YWHAB: variants seen among roughly 807,000 people sequenced by gnomAD.
The protein encoded by YWHAB is tyrosine 3-monooxygenase/tryptophan 5-monooxygenase activation protein beta.
YWHAB carries 2 observed loss-of-function variants against 28.5 expected under a neutral mutation model. The ratio of observed to expected loss-of-function variants is 0.07; its 90% CI spans 0.03 to 0.22. YWHAB has a LOEUF of 0.22. Ranked by LOEUF, YWHAB falls within the 10% of genes least tolerant of loss-of-function variation. The pLI, the probability that YWHAB is intolerant of heterozygous loss-of-function variation, is 1.00. For missense variants in YWHAB, 148 were observed against 297.1 expected, an observed-to-expected ratio of 0.50 and a Z score of 3.69; for synonymous variants, 103 against 104.7, an observed-to-expected ratio of 0.98 and a Z score of 0.10.
chr20:44,905,342 T>C, intron 4 of YWHAB: 1 of 456,340 alleles, frequency 2.2e-6, no homozygotes, highest in East Asian at 3.8e-5. Context: ...TACTGTTTTT[T>C]GCGGGTGGTT....
intron 1 of YWHAB, among the ~76,000 whole-genome samples, chr20:44,899,542 C>T (rs1466037787): frequency 6.6e-6 from 1 of 152,192 alleles, no homozygotes; most frequent in East Asian, 1.9e-4. Context: ...AGTAGCATTT[C>T]ATGTTTTTAT....
At chr20:44,892,897 A>G (rs2066571305) in intron 1 of YWHAB, among the ~76,000 whole-genome samples, 1 of 152,230 alleles carries the variant, frequency 6.6e-6, no homozygotes, top group African/African-American at 2.4e-5. Context: ...TTCCTGACAT[A>G]TAATAATGGA....
chr20:44,900,837 G>A (rs918164888), intron 1 of YWHAB, among the ~76,000 whole-genome samples: 3 of 152,104 alleles, frequency 2.0e-5, no homozygotes, highest in South Asian at 2.1e-4. Flanking sequence ...GTCCAGTGGC[G>A]TGATCTCGGC....
Position 44,885,835 on chromosome 20 carries a change from C to T in YWHAB, c.-55C>T, listed in dbSNP as rs1328342364. 1 of 155,626 alleles carries T rather than the reference C, an allele frequency of 6.4e-6. No homozygotes were observed. Among genetic ancestry groups the T allele is most frequent in the African/African-American group, 2.4e-5 (1 of 41,490 alleles). 9.6% of individuals were successfully genotyped at this position (155,626 alleles called of 1,614,324 possible). A position where few individuals can be genotyped will look rare whatever the true frequency, so the allele number is the denominator to read the frequency against. ...GTGGGCTTAGGAAGGAAGAGGTCAT[C>T]TCGCTCGGAGCTTCGCTCGGAAGGG... On this transcript the variant is annotated 5_prime_UTR_variant, in exon 1 of 6. Transcript: ENST00000353703.
chr20:44,901,235 T>C (rs1174553205), intron 1 of YWHAB, among the ~76,000 whole-genome samples: 1 of 152,148 alleles, frequency 6.6e-6, no homozygotes, highest in Non-Finnish European at 1.5e-5. Flanking sequence ...GGCATATCAC[T>C]TGCCTTCCCT....
At position 44,908,140 on chromosome 20, in the gene YWHAB, C is replaced by T. The variant is rs1403740305; in HGVS notation, c.*1702C>T. 1.3e-5 allele frequency: 2 copies of T among 148,332 alleles called. No individual in the cohort carries two copies. Among genetic ancestry groups the T allele is most frequent in the African/African-American group, 5.1e-5 (2 of 39,260 alleles). 9.2% of individuals were successfully genotyped at this position (148,332 alleles called of 1,614,324 possible). The stretch of plus-strand genomic sequence containing the variant: ...AAATGAGAAAAGAAAAATTTATGCA[C>T]TGATTTAAAACAAACCAAAAAAAAA... On this transcript the variant is annotated 3_prime_UTR_variant, in exon 6 of 6. Transcript: ENST00000353703.
chr20:44,904,186 C>G, intron 3 of YWHAB, 70 bp downstream of exon 3: 1 of 1,587,552 alleles, frequency 6.3e-7, no homozygotes, highest in Non-Finnish European at 8.6e-7. Flanking sequence ...GACTTTTTAA[C>G]GATTTTTGCT....
chr20:44,899,419 G>C (rs2066613918), intron 1 of YWHAB, among the ~76,000 whole-genome samples: 1 of 152,216 alleles, frequency 6.6e-6, no homozygotes, highest in Non-Finnish European at 1.5e-5. Flanking sequence ...GGTGGAGGTT[G>C]CAGTGAACCG....
chr20:44,891,249 G>T, intron 1 of YWHAB, among the ~76,000 whole-genome samples: 1 of 151,860 alleles, frequency 6.6e-6, no homozygotes, highest in South Asian at 2.1e-4. Context: ...GATTACAGGC[G>T]CCTGCCACTA....
At chr20:44,889,757 A>T (rs539548199) in intron 1 of YWHAB, among the ~76,000 whole-genome samples, 1 of 152,164 alleles carries the variant, frequency 6.6e-6, no homozygotes, top group Non-Finnish European at 1.5e-5. Flanking sequence ...TTAAAGCTAG[A>T]TAACATTAGC....
At chr20:44,888,401 C>A (rs1187081902) in intron 1 of YWHAB, among the ~76,000 whole-genome samples, 1 of 152,132 alleles carries the variant, frequency 6.6e-6, no homozygotes, top group African/African-American at 2.4e-5. Context: ...ACTGTTAGCC[C>A]CATTTTACAG....
At chr20:44,902,959 C>A (rs2066636042) in intron 2 of YWHAB, 1 of 726,316 alleles carries the variant, frequency 1.4e-6, no homozygotes. Flanking sequence ...TTCCATAATT[C>A]ATGAAATGTA....
In YWHAB at chr20:44,900,041, G is replaced by T. The variant is rs146645121; in HGVS notation, c.-3-1490G>T. On this transcript the variant is annotated intron_variant, in intron 1 of 5. Transcript: ENST00000353703. ...CATAACAGGCCCACTAAAAGAGTTG[G>T]TAGTGTTCTTTCTTTTTTTTTTTAG... 3.0e-4 allele frequency among the ~76,000 whole-genome samples: 45 copies of T among 151,522 alleles called. 1 individual carries two copies. The East Asian group carries it at 8.5e-3, about 29-fold the overall frequency.
chr20:44,903,553 C>A (rs2066639313), intron 2 of YWHAB: 1 of 153,076 alleles, frequency 6.5e-6, no homozygotes, highest in Non-Finnish European at 1.5e-5. Context: ...TCTAATCTTA[C>A]CACCCAGAGA....
At chr20:44,901,445 A>G (rs1272164110) in intron 1 of YWHAB, 86 bp from the exon 2 acceptor site, 1 of 1,359,246 alleles carries the variant, frequency 7.4e-7, no homozygotes, top group Non-Finnish European at 1.0e-6. Flanking sequence ...GCTGCTTTCC[A>G]GATGGGTTGG....
At chr20:44,897,040 C>T (rs922616370) in intron 1 of YWHAB, among the ~76,000 whole-genome samples, 2 of 152,044 alleles carry the variant, frequency 1.3e-5, no homozygotes, top group Admixed American at 6.6e-5. Flanking sequence ...GCAGTAATCT[C>T]GGAGAAGCTT....
At position 44,906,584 on chromosome 20, in the gene YWHAB, A is replaced by G. The variant is rs114425623; in HGVS notation, c.*146A>G. On this transcript the variant is annotated 3_prime_UTR_variant, in exon 6 of 6. Transcript: ENST00000353703. ...AGCCTCAGCCTAGGAAAAATGGTTC[A>G]TGGGATAAACAGCTGGTATTTGTAT... is the stretch of plus-strand genomic sequence containing the variant. 2.2e-3 allele frequency: 1,398 copies of G among 626,506 alleles called. 10 individuals are homozygous for G. The highest frequency in any genetic ancestry group is 0.014 in the African/African-American group (792 of 55,052). 38.8% of individuals were successfully genotyped at this position (626,506 alleles called of 1,614,324 possible).
intron 2 of YWHAB, chr20:44,902,417 TG>T (rs762065956): frequency 2.6e-5 from 4 of 152,310 alleles, no homozygotes; most frequent in Admixed American, 6.5e-5. Context: ...TGGGATTGAA[TG>T]GGAGGGGTAC....
intron 1 of YWHAB, among the ~76,000 whole-genome samples, chr20:44,896,718 G>C (rs1307236890): frequency 6.6e-6 from 1 of 152,250 alleles, no homozygotes; most frequent in South Asian, 2.1e-4. Flanking sequence ...TTTTGGATGG[G>C]AGATTTATTG....
Sources: allele counts gnomAD v4.1 joint callset (sites outside exome capture counted in the v4.1 genomes callset), GRCh38; gene constraint gnomAD v4.1.1; transcripts MANE v1.5; gene names NCBI Gene and HGNC (gene_info 2026-07-23, HGNC 2026-07-21).